The following SPINT2 variants were observed in gnomAD, a reference collection of about 807,000 sequenced individuals.
SPINT2 encodes serine peptidase inhibitor, Kunitz type 2.
SPINT2 carries 18 observed loss-of-function variants against 30.1 expected under a neutral mutation model. The ratio of observed to expected loss-of-function variants is 0.60; its 90% CI spans 0.41 to 0.89. SPINT2 has a LOEUF of 0.89. Ranked by LOEUF, SPINT2 falls within the 40% of genes least tolerant of loss-of-function variation. The pLI is 0.00. For synonymous variants in SPINT2, 139 were observed against 137.9 expected, an observed-to-expected ratio of 1.01 and a Z score of -0.05; for missense variants, 276 against 334.3, an observed-to-expected ratio of 0.83 and a Z score of 1.36.
In SPINT2 at chr19:38,292,073, G is replaced by T; in HGVS notation, c.*67G>T. 2 of 1,571,242 alleles carry T rather than the reference G, an allele frequency of 1.3e-6. No individual in the cohort carries two copies. Among genetic ancestry groups the T allele is most frequent in the Non-Finnish European group, 8.6e-7 (1 of 1,157,520 alleles). On this transcript the variant is annotated 3_prime_UTR_variant, in exon 7 of 7. Coordinates refer to ENST00000301244, the MANE Select transcript of SPINT2 (RefSeq NM_021102.4). ...ATGTGTGAGCTTTTTTTAAATAGAG[G>T]GATTGACTCGGATTTGAGTGATCAT...
Position 38,270,425 on chromosome 19 carries a change from T to G in SPINT2, c.106+5427T>G, listed in dbSNP as rs546396246. 1.6e-4 allele frequency among the ~76,000 whole-genome samples: 25 copies of G among 152,284 alleles called. No individual in the cohort carries two copies. In the South Asian group the frequency reaches 5.2e-3, roughly 32 times the overall value. ...ATTGCCAGGCACTGACTCACTCAAA[T>G]TAGAGCACTGAACAAAATAGACCCC... On this transcript the variant is annotated intron_variant, in intron 1 of 6. Coordinates refer to ENST00000301244, the MANE Select transcript of SPINT2 (RefSeq NM_021102.4).
Position 38,264,850 on chromosome 19 carries a change from C to G in SPINT2, c.-43C>G. On this transcript the variant is annotated 5_prime_UTR_variant, in exon 1 of 7. Coordinates refer to ENST00000301244, the MANE Select transcript of SPINT2 (RefSeq NM_021102.4). ...CTTCCCGCACCTGATCGCGAGACCC[C>G]AACGGCTGGTGGCGTCGCCTGCGCG... The G allele has an allele frequency of 6.6e-7, 1 of 1,524,992 alleles. No homozygotes were observed. Among genetic ancestry groups the G allele is most frequent in the East Asian group, 2.5e-5 (1 of 40,640 alleles). The allele number at this position is 1,524,992 out of a possible 1,614,324, so 94.5% of individuals were successfully genotyped here. A position where few individuals can be genotyped will look rare whatever the true frequency, so the allele number is the denominator to read the frequency against.
In SPINT2 at chr19:38,264,745, G is replaced by T; in HGVS notation, c.-148G>T. ...GAAGGTCCGGAAAGGCGACTTCCGG[G>T]GGCTTTGGCACCTGGCGGACCCTCC... On this transcript the variant is annotated 5_prime_UTR_variant, in exon 1 of 7. Transcript: ENST00000301244. 1 of 789,656 alleles carries T rather than the reference G, an allele frequency of 1.3e-6. No homozygotes were observed. 48.9% of individuals were successfully genotyped at this position (789,656 alleles called of 1,614,324 possible).
chr19:38,265,686 A>G (rs1372358814), intron 1 of SPINT2: 1 of 152,296 alleles, frequency 6.6e-6, no homozygotes, highest in East Asian at 1.9e-4. Flanking sequence ...GTGTGGTCTG[A>G]AAGGTCTCTT....
intron 2 of SPINT2, among the ~76,000 whole-genome samples, chr19:38,285,873 G>A (rs1272085188): frequency 3.9e-5 from 6 of 152,170 alleles, no homozygotes; most frequent in Admixed American, 3.9e-4. Flanking sequence ...CCAGTCAAGA[G>A]TTGCCTTTAG....
intron 2 of SPINT2, among the ~76,000 whole-genome samples, chr19:38,285,048 T>A (rs1487028307): frequency 1.3e-5 from 2 of 152,108 alleles, no homozygotes; most frequent in Non-Finnish European, 2.9e-5. Context: ...GTGGGACAAG[T>A]GACTTGAATA....
intron 2 of SPINT2, among the ~76,000 whole-genome samples, chr19:38,286,762 G>A (rs771974115): frequency 5.3e-5 from 8 of 152,166 alleles, no homozygotes; most frequent in African/African-American, 9.7e-5. Flanking sequence ...CAGCCTGGGC[G>A]ACAGAGCGAG....
intron 6 of SPINT2, chr19:38,291,040 A>C: frequency 4.4e-6 from 1 of 226,646 alleles, no homozygotes; most frequent in Non-Finnish European, 8.9e-6. Flanking sequence ...GTTGGCACAA[A>C]AGACCTGCCA....
At position 38,289,183 on chromosome 19, in the gene SPINT2, A is replaced by G. The variant is rs1166418832; in HGVS notation, c.383A>G (p.Asn128Ser). 7 of 1,613,914 alleles carry G rather than the reference A, an allele frequency of 4.3e-6. No individual in the cohort carries two copies. Among genetic ancestry groups the G allele is most frequent in the South Asian group, 1.1e-5 (1 of 91,070 alleles). The change falls in exon 4 of 7, where the codon AAC becomes AGC. Residue 128 changes from asparagine to serine, a missense_variant. Transcript: ENST00000301244. ...DSEDHSSDMF[N>S]YEEYCTANAV... ...GAAGACCACTCCAGCGATATGTTCAACTATGAAGGTAAAACTCCAAAGAGG... is the reference window on the plus strand; with the variant it reads ...GAAGACCACTCCAGCGATATGTTCAGCTATGAAGGTAAAACTCCAAAGAGG...
intron 1 of SPINT2, 69 bp downstream of exon 1, chr19:38,265,067 G>C (rs1324286199): frequency 4.3e-5 from 56 of 1,295,368 alleles, no homozygotes; most frequent in Non-Finnish European, 5.7e-5. Context: ...ACGGGGGTCT[G>C]AGCAGGGAGA....
intron 1 of SPINT2, among the ~76,000 whole-genome samples, chr19:38,271,928 T>G (rs1968461881): frequency 6.6e-6 from 1 of 151,838 alleles, no homozygotes; most frequent in Non-Finnish European, 1.5e-5. Flanking sequence ...AGAAGTCCCT[T>G]AATCTGAAGT....
chr19:38,276,899 C>T (rs1239091533), intron 1 of SPINT2, among the ~76,000 whole-genome samples: 2 of 151,396 alleles, frequency 1.3e-5, no homozygotes, highest in East Asian at 2.0e-4. Context: ...CTCTTGGGTT[C>T]AAGCGATTCT....
intron 1 of SPINT2, among the ~76,000 whole-genome samples, chr19:38,267,772 C>T (rs960903621): frequency 1.3e-5 from 2 of 152,000 alleles, no homozygotes; most frequent in Non-Finnish European, 2.9e-5. Context: ...GTGGCAGGCC[C>T]GGAGCTAAAG....
intron 1 of SPINT2, among the ~76,000 whole-genome samples, chr19:38,266,827 A>G (rs1180327877): frequency 6.6e-6 from 1 of 152,224 alleles, no homozygotes; most frequent in Non-Finnish European, 1.5e-5. Flanking sequence ...TCAGGAATGC[A>G]GACGTTGATC....
chr19:38,278,117 C>T (rs1160975973), intron 1 of SPINT2, among the ~76,000 whole-genome samples: 1 of 152,142 alleles, frequency 6.6e-6, no homozygotes, highest in Non-Finnish European at 1.5e-5. Context: ...AGCCCATTTC[C>T]CCCCCAGCCC....
intron 1 of SPINT2, among the ~76,000 whole-genome samples, chr19:38,267,574 G>A (rs955537900): frequency 5.3e-5 from 8 of 151,922 alleles, no homozygotes; most frequent in Admixed American, 3.3e-4. Flanking sequence ...TGGGTAGTGA[G>A]TGAGATGCAT....
rs1243325820 is a variant in SPINT2 at position 38,290,012 on chromosome 19, T to G, written c.392-107T>G. On this transcript the variant is annotated intron_variant, in intron 4 of 6. Transcript: ENST00000301244. This position sits in a 1 kb window ranked among gnomAD's most constrained non-coding sequence, Gnocchi z 4.3. ...TTTACAGGCTTCTTTACCAGAGAGA[T>G]GTTTCTCCGTCTGCTGGAGCCGCAA... 17 of 1,208,688 alleles carry G rather than the reference T, an allele frequency of 1.4e-5. No homozygotes were observed. Among genetic ancestry groups the G allele is most frequent in the Non-Finnish European group, 1.9e-5 (16 of 821,226 alleles). The allele number at this position is 1,208,688 out of a possible 1,614,324, so 74.9% of individuals were successfully genotyped here.
rs1271993274 is a variant in SPINT2, at chr19:38,290,037, A to G, written c.392-82A>G. 1.3e-6 allele frequency: 2 copies of G among 1,500,790 alleles called. No individual in the cohort carries two copies. Among genetic ancestry groups the G allele is most frequent in the African/African-American group, 1.4e-5 (1 of 72,720 alleles). 93.0% of individuals were successfully genotyped at this position (1,500,790 alleles called of 1,614,324 possible). ...TGTTTCTCCGTCTGCTGGAGCCGCA[A>G]GCCTCCTCAGGCACTTTCTGGCTTG... On this transcript the variant is annotated intron_variant, in intron 4 of 6. Transcript: ENST00000301244. This position sits in a 1 kb window ranked among gnomAD's most constrained non-coding sequence, Gnocchi z 4.3.
chr19:38,289,264 G>A (rs1005477423), intron 4 of SPINT2, 73 bp downstream of exon 4: 13 of 1,296,702 alleles, frequency 1.0e-5, no homozygotes, highest in Admixed American at 5.1e-5. Context: ...TGAGGTGGGC[G>A]GATCACGAGG....
Sources: allele counts gnomAD v4.1 joint callset (sites outside exome capture counted in the v4.1 genomes callset), GRCh38; gene constraint gnomAD v4.1.1; non-coding constraint Gnocchi (gnomAD v3.1); transcripts MANE v1.5; gene names NCBI Gene and HGNC (gene_info 2026-07-23, HGNC 2026-07-21).